Variants in FSTL4 observed in about 807,000 individuals in gnomAD.
FSTL4 encodes the protein follistatin-related protein 4.
Under a neutral mutation model 78.2 loss-of-function variants are expected in FSTL4, and 28 were observed. The observed-to-expected ratio is 0.36, with a 90% CI of 0.27 to 0.49. The LOEUF is 0.49. Ranked by LOEUF, FSTL4 falls within the 20% of genes least tolerant of loss-of-function variation. The probability of loss-of-function intolerance (pLI) is 0.98; values close to 1 mark genes in which losing one functional copy is unlikely to be tolerated. For synonymous variants in FSTL4, 422 were observed against 440.5 expected, an observed-to-expected ratio of 0.96 and a Z score of 0.53; for missense variants, 922 against 1,084.9, an observed-to-expected ratio of 0.85 and a Z score of 2.11.
At chr5:133,736,993 T>C in the FSTL4 span, among the ~76,000 whole-genome samples, 3 of 152,150 alleles carry the variant, frequency 2.0e-5, no homozygotes, top group Non-Finnish European at 2.9e-5. Flanking sequence ...GATGTTTTAA[T>C]ATAGGCATGC....
At chr5:133,546,826 A>G (rs553654742) in intron 3 of FSTL4, among the ~76,000 whole-genome samples, 1 of 151,872 alleles carries the variant, frequency 6.6e-6, no homozygotes, top group Non-Finnish European at 1.5e-5. Context: ...CCACAGCTTC[A>G]GGTATAGCTA....
intron 2 of FSTL4, among the ~76,000 whole-genome samples, chr5:133,579,501 A>G (rs972351630): frequency 6.6e-6 from 1 of 152,228 alleles, no homozygotes; most frequent in Non-Finnish European, 1.5e-5. Context: ...CCAGCAGTCC[A>G]TGATCCATAA....
At chr5:133,653,095 T>C in the FSTL4 span, among the ~76,000 whole-genome samples, 1 of 152,116 alleles carries the variant, frequency 6.6e-6, no homozygotes, top group Non-Finnish European at 1.5e-5. Flanking sequence ...TACACCTACA[T>C]GCACATACAC....
At chr5:133,200,295 A>G (rs1750278184) in intron 15 of FSTL4, among the ~76,000 whole-genome samples, 1 of 152,270 alleles carries the variant, frequency 6.6e-6, no homozygotes, top group Non-Finnish European at 1.5e-5. Flanking sequence ...ATGCAGCTGA[A>G]CAAGTGCAGA....
chr5:133,682,502 A>G, the FSTL4 span, among the ~76,000 whole-genome samples: 1 of 152,244 alleles, frequency 6.6e-6, no homozygotes, highest in African/African-American at 2.4e-5. Flanking sequence ...ATGCACAGCT[A>G]TCTACTACAG....
At chr5:133,825,529 T>A in the FSTL4 span, among the ~76,000 whole-genome samples, 1 of 152,254 alleles carries the variant, frequency 6.6e-6, no homozygotes, top group African/African-American at 2.4e-5. Flanking sequence ...TTAGCTTAGT[T>A]TTAATCTCTC....
the FSTL4 span, among the ~76,000 whole-genome samples, chr5:133,841,255 C>G: frequency 3.3e-5 from 5 of 152,330 alleles, no homozygotes; most frequent in South Asian, 1.0e-3. Context: ...TCCTCACTCA[C>G]CAGCCCCACT....
chr5:133,791,342 C>G, the FSTL4 span, among the ~76,000 whole-genome samples: 2 of 151,982 alleles, frequency 1.3e-5, no homozygotes, highest in Non-Finnish European at 2.9e-5. Context: ...ATTCTTGTTT[C>G]CTTGCACTTA....
intron 6 of FSTL4, among the ~76,000 whole-genome samples, chr5:133,277,527 GAA>G (rs1752910615): frequency 6.6e-6 from 1 of 152,168 alleles, no homozygotes; most frequent in African/African-American, 2.4e-5. Flanking sequence ...AAAAATAACT[GAA>G]ATATTATCAT....
chr5:133,414,340 G>T (rs780683558), intron 3 of FSTL4, among the ~76,000 whole-genome samples: 1 of 152,032 alleles, frequency 6.6e-6, no homozygotes, highest in African/African-American at 2.4e-5. Context: ...TTTCTTTCTT[G>T]TTCACCCTTA....
chr5:133,836,284 AT>A, the FSTL4 span, among the ~76,000 whole-genome samples: 2 of 151,744 alleles, frequency 1.3e-5, no homozygotes, highest in African/African-American at 4.8e-5. Context: ...TCACTATCTC[AT>A]TTTTCTTCAC....
chr5:133,385,051 G>T (rs1020066613), intron 4 of FSTL4, among the ~76,000 whole-genome samples: 25 of 152,112 alleles, frequency 1.6e-4, no homozygotes, highest in African/African-American at 6.0e-4. Flanking sequence ...GACGTGCTCC[G>T]TTGTCGCGCT....
At chr5:133,342,128 C>A (rs1315445588) in intron 4 of FSTL4, among the ~76,000 whole-genome samples, 1 of 152,124 alleles carries the variant, frequency 6.6e-6, no homozygotes, top group African/African-American at 2.4e-5. Flanking sequence ...GGAAGGAGAG[C>A]CTTCCTGTTG....
At chr5:133,323,468 T>C (rs1367617869) in intron 4 of FSTL4, among the ~76,000 whole-genome samples, 1 of 152,228 alleles carries the variant, frequency 6.6e-6, no homozygotes, top group Non-Finnish European at 1.5e-5. Flanking sequence ...GGCAACTAAA[T>C]CAGTGCTCAT....
chr5:133,340,706 G>T (rs1043718454), intron 4 of FSTL4, among the ~76,000 whole-genome samples: 3 of 152,032 alleles, frequency 2.0e-5, no homozygotes, highest in Non-Finnish European at 4.4e-5. Flanking sequence ...AAAACTTCTG[G>T]CCCTAGAGAA....
chr5:133,535,046 G>A (rs369790991), intron 3 of FSTL4, among the ~76,000 whole-genome samples: 6 of 152,194 alleles, frequency 3.9e-5, no homozygotes, highest in African/African-American at 7.2e-5. Flanking sequence ...AACTGTGGTC[G>A]TAAGGAGGGG....
At chr5:133,669,280 G>A in the FSTL4 span, among the ~76,000 whole-genome samples, 1 of 152,216 alleles carries the variant, frequency 6.6e-6, no homozygotes. Flanking sequence ...GCAGATGAGG[G>A]CCCCAAATCC....
intron 6 of FSTL4, among the ~76,000 whole-genome samples, chr5:133,254,013 T>G (rs529902775): frequency 6.6e-6 from 1 of 152,328 alleles, no homozygotes; most frequent in South Asian, 2.1e-4. Context: ...CCTGAAGTTT[T>G]AATGTAAAGA....
intron 2 of FSTL4, among the ~76,000 whole-genome samples, chr5:133,570,196 G>A (rs979091996): frequency 3.3e-5 from 5 of 150,612 alleles, no homozygotes; most frequent in African/African-American, 9.8e-5. Context: ...GAGACAGCGA[G>A]ACTCCGTCTC....
Sources: gnomAD v4.1 joint callset for allele counts (sites outside exome capture counted in the v4.1 genomes callset) on GRCh38, gnomAD v4.1.1 for gene constraint, MANE v1.5 for transcripts, NCBI Gene and HGNC (gene_info 2026-07-23, HGNC 2026-07-21) for gene names.